The following CD2AP variants were observed in gnomAD, a reference collection of about 807,000 sequenced individuals.
The protein encoded by CD2AP is CD2 associated protein.
In CD2AP, 46 loss-of-function variants were observed where a neutral mutation model predicts 85.1. The ratio of observed to expected loss-of-function variants is 0.54; its 90% CI spans 0.43 to 0.69. The LOEUF (loss-of-function observed/expected upper bound fraction) is 0.69. Ranked by LOEUF, CD2AP falls within the 30% of genes least tolerant of loss-of-function variation. The pLI is 0.00. For synonymous variants in CD2AP, 255 were observed against 252.9 expected, an observed-to-expected ratio of 1.01 and a Z score of -0.08; for missense variants, 769 against 729.5, an observed-to-expected ratio of 1.05 and a Z score of -0.62.
intron 15 of CD2AP, 56 bp from the exon 16 acceptor site, chr6:47,609,067 T>C: frequency 7.6e-7 from 1 of 1,318,670 alleles, no homozygotes; most frequent in Non-Finnish European, 1.0e-6. Flanking sequence ...GTTAAAATCT[T>C]TCGAACGTAA....
At chr6:47,524,907 A>G (rs760490116) in intron 2 of CD2AP, among the ~76,000 whole-genome samples, 2 of 152,100 alleles carry the variant, frequency 1.3e-5, no homozygotes, top group African/African-American at 2.4e-5. Context: ...TGACACTTAG[A>G]CGATACGTAC....
intron 2 of CD2AP, among the ~76,000 whole-genome samples, chr6:47,507,998 G>A (rs1401360610): frequency 6.6e-6 from 1 of 152,178 alleles, no homozygotes; most frequent in Non-Finnish European, 1.5e-5. Flanking sequence ...TGTCATCTAG[G>A]CTTTGGTTTT....
At chr6:47,511,644 A>G (rs1394695014) in intron 2 of CD2AP, among the ~76,000 whole-genome samples, 2 of 152,188 alleles carry the variant, frequency 1.3e-5, no homozygotes, top group African/African-American at 4.8e-5. Flanking sequence ...TTTTTATTCC[A>G]AAGCAAAATT....
chr6:47,574,877 C>T (rs772249505), intron 6 of CD2AP, among the ~76,000 whole-genome samples: 12 of 152,086 alleles, frequency 7.9e-5, no homozygotes, highest in Non-Finnish European at 1.8e-4. Context: ...AAAATAGCTA[C>T]AGTCTGTAGA....
chr6:47,548,635 A>T (rs1453060473), intron 4 of CD2AP, among the ~76,000 whole-genome samples: 1 of 152,168 alleles, frequency 6.6e-6, no homozygotes, highest in Non-Finnish European at 1.5e-5. Context: ...ACATTCAAAT[A>T]ATTGGTACCA....
At chr6:47,485,456 G>A (rs1163424743) in intron 1 of CD2AP, among the ~76,000 whole-genome samples, 1 of 152,064 alleles carries the variant, frequency 6.6e-6, no homozygotes, top group African/African-American at 2.4e-5. Context: ...AAATATTTTT[G>A]TACAACTATA....
intron 17 of CD2AP, among the ~76,000 whole-genome samples, chr6:47,621,924 A>G (rs925245375): frequency 6.6e-6 from 1 of 152,096 alleles, no homozygotes; most frequent in African/African-American, 2.4e-5. Context: ...ATATGCCCTT[A>G]GTCTTCCACT....
intron 17 of CD2AP, among the ~76,000 whole-genome samples, chr6:47,619,242 A>G (rs1481528729): frequency 1.3e-5 from 2 of 152,130 alleles, no homozygotes; most frequent in Admixed American, 6.6e-5. Context: ...CTTCAACTCA[A>G]GTCCCCAAAG....
chr6:47,604,175 C>T (rs966553696), intron 13 of CD2AP, among the ~76,000 whole-genome samples: 1 of 152,066 alleles, frequency 6.6e-6, no homozygotes, highest in Non-Finnish European at 1.5e-5. Context: ...AATGTGATTG[C>T]AAAAGCTAAA....
At chr6:47,583,892 G>A (rs1192953372) in intron 11 of CD2AP, among the ~76,000 whole-genome samples, 1 of 152,158 alleles carries the variant, frequency 6.6e-6, no homozygotes, top group Non-Finnish European at 1.5e-5. Flanking sequence ...TAATCAGTGA[G>A]AATTTCTGTT....
chr6:47,611,044 C>CT (rs1384188170), intron 16 of CD2AP, among the ~76,000 whole-genome samples: 2 of 136,200 alleles, frequency 1.5e-5, no homozygotes, highest in Non-Finnish European at 3.1e-5. Context: ...TTGAGTTTCT[C>CT]TGGCAAAGTG....
At chr6:47,510,975 AGGT>A (rs1319566517) in intron 2 of CD2AP, among the ~76,000 whole-genome samples, 1 of 140,672 alleles carries the variant, frequency 7.1e-6, no homozygotes, top group Non-Finnish European at 1.5e-5. Flanking sequence ...CAGGAAGCTG[AGGT>A]GGGAGAATTG....
chr6:47,530,837 T>C (rs918748312), intron 2 of CD2AP, among the ~76,000 whole-genome samples: 3 of 152,222 alleles, frequency 2.0e-5, no homozygotes, highest in Admixed American at 2.0e-4. Flanking sequence ...TGAACCAGGA[T>C]TTTCATTAAG....
chr6:47,537,334 G>T (rs1767078797), intron 3 of CD2AP, among the ~76,000 whole-genome samples: 1 of 152,108 alleles, frequency 6.6e-6, no homozygotes, highest in Admixed American at 6.5e-5. Flanking sequence ...GTTCATGGTG[G>T]CTCTTTGACA....
At chr6:47,616,923 C>T (rs1769607069) in intron 17 of CD2AP, among the ~76,000 whole-genome samples, 1 of 152,098 alleles carries the variant, frequency 6.6e-6, no homozygotes, top group Non-Finnish European at 1.5e-5. Flanking sequence ...ATACTACATC[C>T]TATTGTCTCT....
At chr6:47,620,478 T>A (rs1013619340) in intron 17 of CD2AP, among the ~76,000 whole-genome samples, 2 of 152,172 alleles carry the variant, frequency 1.3e-5, no homozygotes, top group African/African-American at 4.8e-5. Context: ...AATCAGGTAG[T>A]GTGATGCCTC....
At chr6:47,569,522 C>T (rs1353704417) in intron 5 of CD2AP, among the ~76,000 whole-genome samples, 1 of 150,784 alleles carries the variant, frequency 6.6e-6, no homozygotes, top group African/African-American at 2.4e-5. Context: ...GCCATTTATC[C>T]CTCTAGGCTT....
At position 47,624,351 on chromosome 6, in the gene CD2AP, A is replaced by C. The variant is rs1414174399; in HGVS notation, c.*124A>C. 3 of 772,976 alleles carry C rather than the reference A, an allele frequency of 3.9e-6. No individual in the cohort carries two copies. The highest frequency in any genetic ancestry group is 6.8e-6 in the Non-Finnish European group (3 of 439,980). The allele number at this position is 772,976 out of a possible 1,614,324, so 47.9% of individuals were successfully genotyped here. A position where few individuals can be genotyped will look rare whatever the true frequency, so the allele number is the denominator to read the frequency against. On this transcript the variant is annotated 3_prime_UTR_variant, in exon 18 of 18. Transcript: ENST00000359314. ...TGATAAATATGAGCAAATGAAGTGT[A>C]ATATCTATAGAAAAGTAGAGTGAGG...
chr6:47,551,998 C>A (rs528639131), intron 4 of CD2AP, among the ~76,000 whole-genome samples: 5 of 151,898 alleles, frequency 3.3e-5, no homozygotes, highest in Non-Finnish European at 7.4e-5. Context: ...ACAAGTGAGT[C>A]GTAAGCCATC....
Sources: allele counts gnomAD v4.1 joint callset (sites outside exome capture counted in the v4.1 genomes callset), GRCh38; gene constraint gnomAD v4.1.1; transcripts MANE v1.5; gene names NCBI Gene and HGNC (gene_info 2026-07-23, HGNC 2026-07-21).